Variants in NOTCH3 observed in about 807,000 individuals in gnomAD.
NOTCH3 encodes the protein notch receptor 3.
In NOTCH3, 86 loss-of-function variants were observed where a neutral mutation model predicts 213.3. The observed-to-expected ratio is 0.40, with a 90% CI of 0.34 to 0.48. The LOEUF is 0.48. Among genes scored for constraint, NOTCH3 ranks in the 20% least tolerant of loss-of-function variants. The pLI is 0.57. For missense variants in NOTCH3, 2,783 were observed against 3,272.6 expected (o/e 0.85, Z 3.65); for synonymous variants, 1,354 against 1,355.9 (o/e 1.00, Z 0.03).
Position 15,189,445 on chromosome 19 carries a change from A to G in NOTCH3, c.1037-17T>C, listed in dbSNP as rs751878059. ...ACAGGAGGCCTGGGAAGTGGTAAGC[A>G]GAAGTCATAGGCAGATCTTCCTGCT... On this transcript the variant is annotated splice_polypyrimidine_tract_variant and intron_variant, in intron 6 of 32. Transcript: ENST00000263388. 6.2e-7 allele frequency: 1 copy of G among 1,613,432 alleles called. No individual in the cohort carries two copies.
Position 15,181,171 on chromosome 19 carries a change from G to A in NOTCH3, c.2793-9C>T. On this transcript the variant is annotated splice_polypyrimidine_tract_variant and intron_variant, in intron 17 of 32. Transcript: ENST00000263388. Reference sequence around the variant, plus strand: ...CGCCATTGAAGCAGGAGCTGGAGCGGAAGGAGTGGGAGGGAGGATCAGGCT... The same window carrying A: ...CGCCATTGAAGCAGGAGCTGGAGCGAAAGGAGTGGGAGGGAGGATCAGGCT... 6.2e-7 allele frequency: 1 copy of A among 1,609,078 alleles called. No individual in the cohort carries two copies. The highest frequency in any genetic ancestry group is 8.5e-7 in the Non-Finnish European group (1 of 1,178,384).
chr19:15,164,153 T>G (rs1034110515), intron 31 of NOTCH3, among the ~76,000 whole-genome samples: 17 of 152,172 alleles, frequency 1.1e-4, no homozygotes, highest in Non-Finnish European at 2.2e-4. Context: ...CTGATTATAC[T>G]AAGAGCCATT....
At chr19:15,167,452 G>T in intron 28 of NOTCH3, 41 bp from the exon 29 acceptor site, 1 of 1,594,424 alleles carries the variant, frequency 6.3e-7, no homozygotes, top group South Asian at 1.1e-5. Context: ...CTCACCCTTT[G>T]GTGCTGGGGA....
intron 26 of NOTCH3, 48 bp downstream of exon 26, chr19:15,170,623 C>T (rs1183262561): frequency 1.9e-6 from 3 of 1,550,788 alleles, no homozygotes; most frequent in Non-Finnish European, 2.6e-6. Context: ...GGGCTTCGGC[C>T]GCCCCCAGCT....
Position 15,159,501 on chromosome 19 carries a change from G to T in NOTCH3, c.*1161C>A, listed in dbSNP as rs2046622364. On this transcript the variant is annotated 3_prime_UTR_variant, in exon 33 of 33. Transcript: ENST00000263388. ...TCCAATCGGTAGTCATCTGCCAAAA[G>T]AGGAAGCATAAGTAGACTGGCAAGT... 2 of 197,970 alleles carry T rather than the reference G, an allele frequency of 1.0e-5. No homozygotes were observed. The highest frequency in any genetic ancestry group is 1.2e-4 in the Admixed American group (2 of 16,530). 12.3% of individuals were successfully genotyped at this position (197,970 alleles called of 1,614,324 possible).
rs578082632 is a variant in NOTCH3 at position 15,170,756 on chromosome 19, G to A, written c.4806C>T (p.Pro1602=). 3.1e-5 allele frequency: 50 copies of A among 1,612,098 alleles called. 1 individual carries two copies. Among genetic ancestry groups the A allele is most frequent in the Middle Eastern group, 3.3e-4 (2 of 5,972 alleles). ...LQSPENDHCF[P]DAQSAADYLG... ...GGTAGTCAGCGGCGCTCTGGGCATC[G>A]GGGAAGCAGTGATCATTCTCAGGCG... The change falls in exon 26 of 33, where the codon CCC becomes CCT. Residue 1602 remains proline, a synonymous_variant. Transcript: ENST00000263388.
rs752404540 is a variant in NOTCH3, at chr19:15,187,192, C to T, written c.1753G>A (p.Glu585Lys). 33 of 1,614,082 alleles carry T rather than the reference C, an allele frequency of 2.0e-5. No homozygotes were observed. The highest frequency in any genetic ancestry group is 5.3e-5 in the African/African-American group (4 of 75,076). Residue 585 changes from glutamate to lysine, a missense_variant, in exon 11 of 33, where the codon GAA becomes AAA. Coordinates refer to ENST00000263388, the MANE Select transcript of NOTCH3 (RefSeq NM_000435.3). Reference sequence around the variant, plus strand: ...TGGCGGCAGGGCTGGCTGCGGCATTCGTCCACCTGGCTCTCGCAGCGTGTG... The same window carrying T: ...TGGCGGCAGGGCTGGCTGCGGCATTTGTCCACCTGGCTCTCGCAGCGTGTG... ...TGTRCESQVD[E>K]CRSQPCRHGG...
Position 15,185,511 on chromosome 19 carries a change from C to T in NOTCH3, c.2120G>A (p.Gly707Asp), listed in dbSNP as rs772994625. Reference sequence around the variant, plus strand: ...CCCGCCAGGTGCATCATAGCAGATGCCGTGACTGCAGGGCTCATGGGCACA... The same window carrying T: ...CCCGCCAGGTGCATCATAGCAGATGTCGTGACTGCAGGGCTCATGGGCACA... Reference protein sequence around the residue: ...HPCAHEPCSHGICYDAPGGFR... With the variant: ...HPCAHEPCSHDICYDAPGGFR... Residue 707 changes from glycine (G) to aspartate (D), a missense_variant, in exon 13 of 33, where the codon GGC becomes GAC. By Grantham distance (94) the Gly-to-Asp change is moderately conservative. Around this residue, in one of 6 missense-constraint regions of NOTCH3, gnomAD observed 861 missense variants for 909.1 expected, o/e 0.95. Coordinates refer to ENST00000263388, the MANE Select transcript of NOTCH3 (RefSeq NM_000435.3). This position sits in a 1 kb window ranked among gnomAD's most constrained non-coding sequence, Gnocchi z 4.2. 1.2e-6 allele frequency: 2 copies of T among 1,613,056 alleles called. No individual in the cohort carries two copies. The highest frequency in any genetic ancestry group is 1.7e-6 in the Non-Finnish European group (2 of 1,179,760).
intron 29 of NOTCH3, 90 bp downstream of exon 29, chr19:15,167,159 C>G: frequency 7.1e-7 from 1 of 1,408,576 alleles, no homozygotes; most frequent in East Asian, 2.3e-5. Context: ...AGAGACTCCC[C>G]CAGTTCTCCC....
Position 15,167,235 on chromosome 19 carries a change from G to C in NOTCH3, c.5362+14C>G. The C allele has an allele frequency of 6.2e-7, 1 of 1,606,944 alleles. No individual in the cohort carries two copies. Among genetic ancestry groups the C allele is most frequent in the Non-Finnish European group, 8.5e-7 (1 of 1,174,618 alleles). ...GGTGAGGGGCATCCCTTTGGGAGGGGCACTGTCACTAACCTGGGCCACGCA... is the reference window on the plus strand; with the variant it reads ...GGTGAGGGGCATCCCTTTGGGAGGGCCACTGTCACTAACCTGGGCCACGCA... On this transcript the variant is annotated intron_variant, in intron 29 of 32. Coordinates refer to ENST00000263388, the MANE Select transcript of NOTCH3 (RefSeq NM_000435.3).
rs2046865166 is a variant in NOTCH3 at position 15,184,447 on chromosome 19, G to A, written c.2414C>T (p.Pro805Leu). 1 of 1,613,768 alleles carries A rather than the reference G, an allele frequency of 6.2e-7. No homozygotes were observed. Among genetic ancestry groups the A allele is most frequent in the African/African-American group, 1.3e-5 (1 of 75,026 alleles). ...CTCGTCCACATCCTGCTGGCATCGT[G>A]GGCCTGGGGGTAGGGAGCAAGGTTA... ...VCSCPQGWQG[P>L]RCQQDVDECA... is the part of the protein sequence containing the mutation. The change falls in exon 16 of 33, where the codon CCA becomes CTA. Residue 805 changes from proline (P) to leucine (L), a missense_variant. Physicochemically the swap from Pro to Leu is moderately conservative, Grantham distance 98 (BLOSUM62 -3). Around this residue, in one of 6 missense-constraint regions of NOTCH3, gnomAD observed 861 missense variants for 909.1 expected, o/e 0.95. Transcript: ENST00000263388.
rs1461671282 is a variant in NOTCH3, at chr19:15,179,266, A to C, written c.3477T>G (p.Ile1159Met). The C allele has an allele frequency of 6.2e-7, 1 of 1,613,828 alleles. No homozygotes were observed. Among genetic ancestry groups the C allele is most frequent in the Non-Finnish European group, 8.5e-7 (1 of 1,180,030 alleles). The change falls in exon 22 of 33, where the codon ATT (isoleucine) becomes ATG (methionine). Residue 1159 changes from isoleucine (I) to methionine (M), a missense_variant. Transcript: ENST00000263388. ...PPGTLGVLCE[I>M]NEDDCGPGPP... ...GGCCTGGGCCGCAGTCATCCTCATT[A>C]ATCTCGCAGAGCACCCCTGGGGGAA... is the stretch of plus-strand genomic sequence containing the variant.
chr19:15,197,441 G>GGGCCCCCCCCCCCCC, intron 2 of NOTCH3, 59 bp downstream of exon 2: 46 of 768,218 alleles, frequency 6.0e-5, no homozygotes, highest in Middle Eastern at 5.6e-4. Context: ...AAGACAAATC[G>GGGCCCCCCCCCCCCC]CCCCTCCCCC....
chr19:15,170,729 C>A lies in NOTCH3; in HGVS notation c.4833G>T (p.Leu1611=). The A allele has an allele frequency of 6.2e-7, 1 of 1,608,348 alleles. No homozygotes were observed. Among genetic ancestry groups the A allele is most frequent in the East Asian group, 2.2e-5 (1 of 44,638 alleles). Residue 1611 remains leucine (L), a synonymous_variant, in exon 26 of 33, where the codon CTG becomes CTT. Coordinates refer to ENST00000263388, the MANE Select transcript of NOTCH3 (RefSeq NM_000435.3). ...FPDAQSAADY[L]GALSAVERLD... ...GGCGCTCCACCGCTGACAACGCTCC[C>A]AGGTAGTCAGCGGCGCTCTGGGCAT...
chr19:15,197,443 C>CCCA, intron 2 of NOTCH3, 57 bp downstream of exon 2: 2 of 585,082 alleles, frequency 3.4e-6, no homozygotes, highest in Admixed American at 2.1e-5. Flanking sequence ...GACAAATCGC[C>CCCA]CCTCCCCCCC....
In NOTCH3 at chr19:15,191,439, G is replaced by A. The variant is rs745779705; in HGVS notation, c.1021C>T (p.Pro341Ser). The stretch of plus-strand genomic sequence containing the variant: ...GGCCACTCACCAGTCTTGCCCATGG[G>A]GCAGGCACAGTAGAAAGAAGCCACG... ...DRVASFYCAC[P>S]MGKTGLLCHL... The change falls in exon 6 of 33, where the codon CCC (proline) becomes TCC (serine). Residue 341 changes from proline (P) to serine (S), a missense_variant. Physicochemically the swap from Pro to Ser is moderately conservative, Grantham distance 74. Transcript: ENST00000263388. 22 of 1,613,244 alleles carry A rather than the reference G, an allele frequency of 1.4e-5. No homozygotes were observed. Among genetic ancestry groups the A allele is most frequent in the Non-Finnish European group, 1.8e-5 (21 of 1,180,002 alleles).
Position 15,170,729 on chromosome 19 carries a change from C to T in NOTCH3, c.4833G>A (p.Leu1611=), listed in dbSNP as rs1435570738. The T allele has an allele frequency of 1.2e-6, 2 of 1,608,348 alleles. No individual in the cohort carries two copies. The highest frequency in any genetic ancestry group is 1.1e-5 in the South Asian group (1 of 90,004). The change falls in exon 26 of 33, where the codon CTG becomes CTA. Residue 1611 remains leucine, a synonymous_variant. Coordinates refer to ENST00000263388, the MANE Select transcript of NOTCH3 (RefSeq NM_000435.3). ...FPDAQSAADY[L]GALSAVERLD... ...GGCGCTCCACCGCTGACAACGCTCC[C>T]AGGTAGTCAGCGGCGCTCTGGGCAT...
chr19:15,199,754 C>G (rs1267409355), intron 1 of NOTCH3, among the ~76,000 whole-genome samples: 1 of 152,156 alleles, frequency 6.6e-6, no homozygotes, highest in Non-Finnish European at 1.5e-5. Flanking sequence ...GGTCCTGCCC[C>G]GTCCGGGCCC....
rs2046870585 is a variant in NOTCH3 at position 15,185,147 on chromosome 19, G to A, written c.2296+110C>T. On this transcript the variant is annotated intron_variant, in intron 14 of 32. Transcript: ENST00000263388. The surrounding 1 kb of genome is among the most constrained non-coding windows in gnomAD (Gnocchi z 4.2). ...ACCTCCCAAGCTCCTGGAGGGAAAT[G>A]ATTGAAAGCAAAAAAGAAGCTAACA... The A allele has an allele frequency of 6.8e-7, 1 of 1,471,364 alleles. No individual in the cohort carries two copies. Among genetic ancestry groups the A allele is most frequent in the Non-Finnish European group, 9.4e-7 (1 of 1,062,402 alleles). 91.1% of individuals were successfully genotyped at this position (1,471,364 alleles called of 1,614,324 possible).
Sources: gnomAD v4.1 joint callset for allele counts (sites outside exome capture counted in the v4.1 genomes callset) on GRCh38, gnomAD v4.1.1 for gene constraint, gnomAD v4.1.1 regional missense constraint, Gnocchi (gnomAD v3.1) non-coding constraint, MANE v1.5 for transcripts, NCBI Gene and HGNC (gene_info 2026-07-23, HGNC 2026-07-21) for gene names.